LPCAT3: variants seen among roughly 807,000 people sequenced by gnomAD.
LPCAT3 encodes the protein lysophospholipid acyltransferase 5.
Under a neutral mutation model 63.4 loss-of-function variants are expected in LPCAT3, and 21 were observed. That is an observed-to-expected ratio of 0.33 (90% confidence interval 0.23 to 0.48). LPCAT3 has a LOEUF of 0.48. LPCAT3 is among the 20% of genes least tolerant of loss of function. The pLI, the probability that LPCAT3 is intolerant of heterozygous loss-of-function variation, is 0.99. For missense variants in LPCAT3, 451 were observed against 590.6 expected (o/e 0.76, Z 2.45); for synonymous variants, 242 against 227.5 (o/e 1.06, Z -0.58).
chr12:7,007,582 C>G (rs1359606101), intron 1 of LPCAT3, among the ~76,000 whole-genome samples: 2 of 151,094 alleles, frequency 1.3e-5, no homozygotes, highest in Admixed American at 6.6e-5. Flanking sequence ...GCAACCTCCC[C>G]CTCCCAGGTT....
intron 1 of LPCAT3, among the ~76,000 whole-genome samples, chr12:7,015,246 T>C (rs1180366004): frequency 2.0e-5 from 3 of 152,242 alleles, no homozygotes; most frequent in African/African-American, 4.8e-5. Context: ...GTGAATGATA[T>C]ACCTAACTCT....
chr12:7,004,532 T>C (rs1405274730), intron 1 of LPCAT3, among the ~76,000 whole-genome samples: 5 of 152,058 alleles, frequency 3.3e-5, no homozygotes, highest in Non-Finnish European at 7.4e-5. Flanking sequence ...GGGTTCAGAG[T>C]GTTTTCATTT....
At chr12:7,013,021 C>T (rs1946774551) in intron 1 of LPCAT3, among the ~76,000 whole-genome samples, 1 of 152,188 alleles carries the variant, frequency 6.6e-6, no homozygotes, top group Non-Finnish European at 1.5e-5. Flanking sequence ...GTAAACAAAA[C>T]TTCCATGGTT....
chr12:6,989,922 C>T (rs1946571492), intron 1 of LPCAT3, among the ~76,000 whole-genome samples: 1 of 152,086 alleles, frequency 6.6e-6, no homozygotes, highest in Non-Finnish European at 1.5e-5. Context: ...CCTGTAATCC[C>T]AGTGCTTTGG....
At chr12:7,010,715 C>A (rs1346057600) in intron 1 of LPCAT3, among the ~76,000 whole-genome samples, 1 of 152,074 alleles carries the variant, frequency 6.6e-6, no homozygotes, top group Non-Finnish European at 1.5e-5. Context: ...ATCTTGTGGA[C>A]CCTAACTTAT....
rs1428087052 is a variant in LPCAT3, at chr12:7,017,444, C to A, written c.151+830G>T. ...TTTGTGAGCAGCAACAAGGCTGGAT[C>A]TGATTTGTTTGCCTTCAAAACCCAT... On this transcript the variant is annotated intron_variant, in intron 1 of 12. Transcript: ENST00000261407. The surrounding 1 kb of genome is among the most constrained non-coding windows in gnomAD (Gnocchi z 4.1). Among the ~76,000 whole-genome samples, 1 of 152,168 alleles carries A rather than the reference C, an allele frequency of 6.6e-6. No homozygotes were observed. Among genetic ancestry groups the A allele is most frequent in the African/African-American group, 2.4e-5 (1 of 41,428 alleles).
rs1161656892 is a variant in LPCAT3 at position 7,017,777 on chromosome 12, C to T, written c.151+497G>A. Among the ~76,000 whole-genome samples the T allele has an allele frequency of 1.3e-5, 2 of 151,936 alleles. No individual in the cohort carries two copies. The highest frequency in any genetic ancestry group is 2.9e-5 in the Non-Finnish European group (2 of 68,006). ...TAGTAGGACTGGGACAGAAAAGAGA[C>T]GAAAGTATAATATAAGCTGGCAATA... On this transcript the variant is annotated intron_variant, in intron 1 of 12. Coordinates refer to ENST00000261407, the MANE Select transcript of LPCAT3 (RefSeq NM_005768.6). This position sits in a 1 kb window ranked among gnomAD's most constrained non-coding sequence, Gnocchi z 4.1.
At chr12:7,009,129 T>A (rs185387810) in intron 1 of LPCAT3, among the ~76,000 whole-genome samples, 1 of 152,280 alleles carries the variant, frequency 6.6e-6, no homozygotes, top group East Asian at 1.9e-4. Flanking sequence ...TGGTGCAATC[T>A]CGGCTCACTA....
Position 6,977,761 on chromosome 12 carries a change from G to A in LPCAT3, c.1041-16C>T. ...GAAGATGTAGCTGGAGAAAAGGGTGGGTGGGGCGACCCTCAAACTGACTGG... is the reference window on the plus strand; with the variant it reads ...GAAGATGTAGCTGGAGAAAAGGGTGAGTGGGGCGACCCTCAAACTGACTGG... On this transcript the variant is annotated splice_polypyrimidine_tract_variant and intron_variant, in intron 9 of 12. Coordinates refer to ENST00000261407, the MANE Select transcript of LPCAT3 (RefSeq NM_005768.6). This position sits in a 1 kb window ranked among gnomAD's most constrained non-coding sequence, Gnocchi z 4.5. The A allele has an allele frequency of 6.2e-7, 1 of 1,613,742 alleles. No homozygotes were observed. Among genetic ancestry groups the A allele is most frequent in the Non-Finnish European group, 8.5e-7 (1 of 1,179,952 alleles).
chr12:7,003,647 G>A (rs1281058127), intron 1 of LPCAT3, among the ~76,000 whole-genome samples: 1 of 152,020 alleles, frequency 6.6e-6, no homozygotes, highest in African/African-American at 2.4e-5. Flanking sequence ...ATGCGGCCGG[G>A]CGCGGTGGCT....
At chr12:7,003,359 GTT>G (rs200605460) in intron 1 of LPCAT3, among the ~76,000 whole-genome samples, 15 of 137,946 alleles carry the variant, frequency 1.1e-4, no homozygotes, top group Admixed American at 2.9e-4. Context: ...AGTAGGGTGA[GTT>G]TTTTTTTTTT....
rs140516862 is a variant in LPCAT3 at position 6,996,287 on chromosome 12, A to G, written c.152-12748T>C. ...TAAGCTCAAATCCTTCCTACACCTCAGGTCCTTTGTAAAATGTCACCATAA... is the reference window on the plus strand; with the variant it reads ...TAAGCTCAAATCCTTCCTACACCTCGGGTCCTTTGTAAAATGTCACCATAA... On this transcript the variant is annotated intron_variant, in intron 1 of 12. Coordinates refer to ENST00000261407, the MANE Select transcript of LPCAT3 (RefSeq NM_005768.6). Among the ~76,000 whole-genome samples the G allele has an allele frequency of 2.8e-3, 428 of 152,310 alleles. 3 individuals are homozygous for G. Among genetic ancestry groups the G allele is most frequent in the African/African-American group, 9.2e-3 (384 of 41,576 alleles).
intron 1 of LPCAT3, among the ~76,000 whole-genome samples, chr12:7,010,363 T>C (rs1313445232): frequency 1.3e-5 from 2 of 152,208 alleles, no homozygotes; most frequent in Non-Finnish European, 2.9e-5. Context: ...CCATCCCCTT[T>C]AAGGCCCAGC....
intron 8 of LPCAT3, 27 bp from the exon 9 acceptor site, chr12:6,978,534 T>G: frequency 6.2e-7 from 1 of 1,611,998 alleles, no homozygotes; most frequent in Non-Finnish European, 8.5e-7. Context: ...CAGTTAGGGC[T>G]CTTGCCACTC....
Position 6,976,862 on chromosome 12 carries a change from T to C in LPCAT3, c.*42A>G, listed in dbSNP as rs781920415. ...GGAGTGCTGTGAAAAGGGAGACGAG[T>C]AGTTTCTGCACCAGTCCCGCACAGG... On this transcript the variant is annotated 3_prime_UTR_variant, in exon 13 of 13. Transcript: ENST00000261407. 5.8e-5 allele frequency: 18 copies of C among 310,884 alleles called. No homozygotes were observed. The highest frequency in any genetic ancestry group is 1.0e-4 in the Non-Finnish European group (17 of 164,120). The allele number at this position is 310,884 out of a possible 1,614,324, so 19.3% of individuals were successfully genotyped here. A position where few individuals can be genotyped will look rare whatever the true frequency, so the allele number is the denominator to read the frequency against.
chr12:7,003,598 A>T (rs1433959580), intron 1 of LPCAT3, among the ~76,000 whole-genome samples: 1 of 152,184 alleles, frequency 6.6e-6, no homozygotes, highest in African/African-American at 2.4e-5. Context: ...TGTACATGGC[A>T]CTGGTCTCAA....
chr12:7,013,493 G>C (rs879978568), intron 1 of LPCAT3, among the ~76,000 whole-genome samples: 4 of 152,178 alleles, frequency 2.6e-5, no homozygotes, highest in Non-Finnish European at 5.9e-5. Flanking sequence ...GTTAGTGGCT[G>C]TGGTGATGGA....
intron 2 of LPCAT3, 184 bp from the exon 3 acceptor site, chr12:6,982,966 ATTTTATTTCTTTTCTTT>A: frequency 1.5e-6 from 1 of 669,800 alleles, no homozygotes; most frequent in Non-Finnish European, 2.7e-6. Context: ...TTAGGGTGTT[ATTTTATTTCTTTTCTTT>A]TTTTGTTTGT....
Position 6,978,457 on chromosome 12 carries a change from C to T in LPCAT3, c.924G>A (p.Lys308=), listed in dbSNP as rs782635130. Residue 308 remains lysine (K), a synonymous_variant, in exon 9 of 13, where the codon AAG becomes AAA. Transcript: ENST00000261407. ...CACAGGCATCCCACTTTGCCTTGCCCTTTTCTTCAAAGCCATTGAAGCCCA... is the reference window on the plus strand; with the variant it reads ...CACAGGCATCCCACTTTGCCTTGCCTTTTTCTTCAAAGCCATTGAAGCCCA... ...TGLGFNGFEE[K]GKAKWDACAN... The T allele has an allele frequency of 3.7e-6, 6 of 1,614,140 alleles. No homozygotes were observed. Among genetic ancestry groups the T allele is most frequent in the South Asian group, 1.1e-5 (1 of 91,092 alleles).
Sources: allele counts gnomAD v4.1 joint callset (sites outside exome capture counted in the v4.1 genomes callset), GRCh38; gene constraint gnomAD v4.1.1; non-coding constraint Gnocchi (gnomAD v3.1); transcripts MANE v1.5; gene names NCBI Gene and HGNC (gene_info 2026-07-23, HGNC 2026-07-21).